Variants in FMO1 observed in about 807,000 individuals in gnomAD.
FMO1 encodes flavin-containing monooxygenase 1.
Under a neutral mutation model 45.4 loss-of-function variants are expected in FMO1, and 36 were observed. The ratio of observed to expected loss-of-function variants is 0.79; its 90% CI spans 0.61 to 1.05. FMO1 has a LOEUF of 1.05. FMO1 is among the 50% of genes least tolerant of loss of function. The pLI is 0.00. For synonymous variants in FMO1, 228 were observed against 227.2 expected (o/e 1.00, Z -0.03); for missense variants, 615 against 640.3 (o/e 0.96, Z 0.43).
intron 1 of FMO1, among the ~76,000 whole-genome samples, chr1:171,255,435 C>CAGCA (rs1302923975): frequency 2.0e-5 from 3 of 152,226 alleles, no homozygotes; most frequent in African/African-American, 7.2e-5. Context: ...AGCTAGCTCA[C>CAGCA]AGCAGATCCA....
intron 4 of FMO1, among the ~76,000 whole-genome samples, chr1:171,277,032 A>G (rs1661140156): frequency 6.6e-6 from 1 of 152,164 alleles, no homozygotes; most frequent in African/African-American, 2.4e-5. Context: ...AAGCAAGAAG[A>G]GCTCTACAAG....
chr1:171,277,915 G>GA (rs1184581820), intron 4 of FMO1, among the ~76,000 whole-genome samples: 1 of 151,972 alleles, frequency 6.6e-6, no homozygotes, highest in African/African-American at 2.4e-5. Flanking sequence ...CTTTTTTTAG[G>GA]AAAAAAGAAG....
intron 3 of FMO1, among the ~76,000 whole-genome samples, chr1:171,274,207 G>T (rs899303581): frequency 2.7e-5 from 4 of 149,222 alleles, no homozygotes; most frequent in Non-Finnish European, 5.9e-5. Context: ...ATCTGTAGTT[G>T]ATTTTGTTTG....
intron 3 of FMO1, among the ~76,000 whole-genome samples, chr1:171,273,792 T>C (rs1660976891): frequency 2.0e-5 from 3 of 152,162 alleles, no homozygotes; most frequent in Non-Finnish European, 4.4e-5. Flanking sequence ...GTGGGGATTA[T>C]AGGCATGAGC....
chr1:171,281,997 G>A lies in FMO1; in HGVS notation c.847G>A (p.Val283Met), dbSNP rs770468565. Residue 283 changes from valine (V) to methionine (M), a missense_variant, in exon 7 of 9, where the codon GTG becomes ATG. Coordinates refer to ENST00000617670, the MANE Select transcript of FMO1 (RefSeq NM_001282693.2). ...PEDRTQLKEF[V>M]LNDELPGRII... ...GTTTAGGACTCAGCTGAAAGAGTTTGTGCTAAATGATGAGCTCCCAGGACG... is the reference window on the plus strand; with the variant it reads ...GTTTAGGACTCAGCTGAAAGAGTTTATGCTAAATGATGAGCTCCCAGGACG... The A allele has an allele frequency of 6.2e-7, 1 of 1,608,068 alleles. No homozygotes were observed. Among genetic ancestry groups the A allele is most frequent in the Non-Finnish European group, 8.5e-7 (1 of 1,177,498 alleles).
intron 3 of FMO1, among the ~76,000 whole-genome samples, chr1:171,275,129 G>C (rs1661052846): frequency 6.6e-6 from 1 of 152,114 alleles, no homozygotes; most frequent in South Asian, 2.1e-4. Context: ...AAAATTTTTG[G>C]ATGCCACCAC....
Position 171,276,359 on chromosome 1 carries a change from A to C in FMO1, c.484+851A>C, listed in dbSNP as rs980728593. Among the ~76,000 whole-genome samples the C allele has an allele frequency of 4.6e-5, 7 of 152,326 alleles. No homozygotes were observed. The East Asian group carries it at 1.3e-3, about 29-fold the overall frequency. On this transcript the variant is annotated intron_variant, in intron 4 of 8. Coordinates refer to ENST00000617670, the MANE Select transcript of FMO1 (RefSeq NM_001282693.2). ...GAATAGAATCATTGAATTGGAAAGA[A>C]CCAAGTTCAGTCTTCTTCCCAATGC...
At chr1:171,258,339 G>A in intron 2 of FMO1, 120 bp downstream of exon 2, 1 of 1,209,046 alleles carries the variant, frequency 8.3e-7, no homozygotes, top group Non-Finnish European at 1.2e-6. Flanking sequence ...AATGTCTGCT[G>A]AACAGGGGAC....
At chr1:171,280,592 C>T (rs778517240) in intron 5 of FMO1, among the ~76,000 whole-genome samples, 194 bp from the exon 6 acceptor site, 2 of 152,186 alleles carry the variant, frequency 1.3e-5, no homozygotes, top group African/African-American at 4.8e-5. Context: ...ACTCTAGATG[C>T]TCTGAATCCT....
In FMO1 at chr1:171,278,847, G is replaced by A; in HGVS notation, c.603G>A (p.Val201=). Residue 201 remains valine (V), a synonymous_variant, in exon 5 of 9, where the codon GTG becomes GTA. Coordinates refer to ENST00000617670, the MANE Select transcript of FMO1 (RefSeq NM_001282693.2). ...GMGNSGTDIA[V]EASHLAEKVF... is the part of the protein sequence containing the mutation. ...GAAATTCTGGCACAGACATTGCTGT[G>A]GAGGCCAGCCACCTGGCGGAAAAGG... is the stretch of plus-strand genomic sequence containing the variant. 1.2e-6 allele frequency: 2 copies of A among 1,611,822 alleles called. No individual in the cohort carries two copies. Among genetic ancestry groups the A allele is most frequent in the East Asian group, 4.5e-5 (2 of 44,860 alleles).
chr1:171,264,652 G>T (rs1660530527), intron 2 of FMO1, among the ~76,000 whole-genome samples: 1 of 152,022 alleles, frequency 6.6e-6, no homozygotes, highest in Non-Finnish European at 1.5e-5. Context: ...CAATTTGGGA[G>T]GCCGAGAAGG....
At chr1:171,262,139 A>G (rs1396337766) in intron 2 of FMO1, among the ~76,000 whole-genome samples, 1 of 152,194 alleles carries the variant, frequency 6.6e-6, no homozygotes, top group East Asian at 1.9e-4. Flanking sequence ...AGAATTAGAA[A>G]AATAGAGAAG....
rs866287781 is a variant in FMO1, at chr1:171,283,295, A to G, written c.1256+79A>G. 428 of 566,434 alleles carry G rather than the reference A, an allele frequency of 7.6e-4. 3 individuals carry two copies. The highest frequency in any genetic ancestry group is 1.5e-3 in the South Asian group (51 of 35,082). The allele number at this position is 566,434 out of a possible 1,614,324, so 35.1% of individuals were successfully genotyped here. Reference sequence around the variant, plus strand: ...AAAAAAAAAAAAAAAAAAAAAAAAAAAAGGAAATGAAAAAGAAAAAAAAAC... The same window carrying G: ...AAAAAAAAAAAAAAAAAAAAAAAAAGAAGGAAATGAAAAAGAAAAAAAAAC... On this transcript the variant is annotated intron_variant, in intron 8 of 8. Transcript: ENST00000617670.
intron 1 of FMO1, among the ~76,000 whole-genome samples, chr1:171,253,605 T>C (rs1490711238): frequency 1.3e-5 from 2 of 151,830 alleles, no homozygotes; most frequent in Non-Finnish European, 2.9e-5. Flanking sequence ...CTACTAAAAA[T>C]ACAAAAGTAG....
chr1:171,270,172 C>T (rs535223998), intron 3 of FMO1, among the ~76,000 whole-genome samples: 22 of 152,240 alleles, frequency 1.4e-4, no homozygotes, highest in African/African-American at 5.1e-4. Context: ...TTCTATTAGT[C>T]CTTCAAGGAC....
chr1:171,257,916 G>A, intron 1 of FMO1, 166 bp from the exon 2 acceptor site: 1 of 707,806 alleles, frequency 1.4e-6, no homozygotes. Context: ...GTTAACCAGT[G>A]ACCTGAACAT....
rs145182552 is a variant in FMO1, at chr1:171,250,271, C to A, written c.-7+1648C>A. On this transcript the variant is annotated intron_variant, in intron 1 of 8. Transcript: ENST00000617670. ...ATTCTACCTCAGTTTTCATGCAATA[C>A]TTGCTTTTTGTCATAGCAATTGTCA... 9.8e-5 allele frequency among the ~76,000 whole-genome samples: 15 copies of A among 152,290 alleles called. No homozygotes were observed. In the East Asian group the frequency reaches 2.9e-3, roughly 29 times the overall value.
chr1:171,276,844 A>G (rs1661133459), intron 4 of FMO1, among the ~76,000 whole-genome samples: 1 of 152,172 alleles, frequency 6.6e-6, no homozygotes, highest in African/African-American at 2.4e-5. Context: ...CCTGAAAGCA[A>G]TTGAGCCAAT....
At chr1:171,250,521 C>A (rs1659837842) in intron 1 of FMO1, among the ~76,000 whole-genome samples, 1 of 152,158 alleles carries the variant, frequency 6.6e-6, no homozygotes, top group Non-Finnish European at 1.5e-5. Flanking sequence ...TCCTACTAAA[C>A]CAAAGCGGAC....
Sources: gnomAD v4.1 joint callset for allele counts (sites outside exome capture counted in the v4.1 genomes callset) on GRCh38, gnomAD v4.1.1 for gene constraint, MANE v1.5 for transcripts, NCBI Gene and HGNC (gene_info 2026-07-23, HGNC 2026-07-21) for gene names.